Variants in BBS7 observed in about 807,000 individuals in gnomAD.
BBS7 encodes the protein BBSome complex member BBS7.
In BBS7, 50 loss-of-function variants were observed where a neutral mutation model predicts 90.3. That is an observed-to-expected ratio of 0.55 (90% CI 0.44 to 0.70). The LOEUF (loss-of-function observed/expected upper bound fraction) is 0.70. Ranked by LOEUF, BBS7 falls within the 30% of genes least tolerant of loss-of-function variation. The pLI is 0.00. For missense variants in BBS7, 729 were observed against 838.9 expected (o/e 0.87, Z 1.62); for synonymous variants, 235 against 287.4 (o/e 0.82, Z 1.85).
rs774529127 is a variant in BBS7 at position 121,845,715 on chromosome 4, A to C, written c.1038-19T>G. 1 of 1,595,432 alleles carries C rather than the reference A, an allele frequency of 6.3e-7. No homozygotes were observed. Among genetic ancestry groups the C allele is most frequent in the Non-Finnish European group, 8.6e-7 (1 of 1,164,110 alleles). ...CTCATTCCTGGAGAAAAACACATAC[A>C]AATTTGTCAAATATAAGTATAAACA... On this transcript the variant is annotated intron_variant, in intron 10 of 18. Transcript: ENST00000264499.
In BBS7 at chr4:121,844,015, T is replaced by TA. The variant is rs747444432; in HGVS notation, c.1231-15dup. The TA allele has an allele frequency of 4.0e-4, 600 of 1,516,606 alleles. No homozygotes were observed. The highest frequency in any genetic ancestry group is 8.5e-4 in the Admixed American group (46 of 54,312). The allele number at this position is 1,516,606 out of a possible 1,614,324, so 93.9% of individuals were successfully genotyped here. ...TGGAACATCACTCTATAGTCAATAT[T>TA]AAAAAAAAAGAAGGTTGAGATGGAA... On this transcript the variant is annotated splice_polypyrimidine_tract_variant and intron_variant, in intron 11 of 18. Transcript: ENST00000264499.
chr4:121,856,104 C>A (rs1726655880), intron 5 of BBS7, among the ~76,000 whole-genome samples: 1 of 152,134 alleles, frequency 6.6e-6, no homozygotes, highest in African/African-American at 2.4e-5. Context: ...ACAAATTATT[C>A]CCTCTGCCCT....
rs1293754868 is a variant in BBS7 at position 121,845,714 on chromosome 4, C to A, written c.1038-18G>T. ...ACTCATTCCTGGAGAAAAACACATA[C>A]AAATTTGTCAAATATAAGTATAAAC... On this transcript the variant is annotated intron_variant, in intron 10 of 18. Transcript: ENST00000264499. The A allele has an allele frequency of 1.9e-6, 3 of 1,594,748 alleles. No homozygotes were observed. The highest frequency in any genetic ancestry group is 8.6e-7 in the Non-Finnish European group (1 of 1,163,502).
At chr4:121,826,030 A>T in intron 18 of BBS7, 37 bp from the exon 19 acceptor site, 7 of 1,521,542 alleles carry the variant, frequency 4.6e-6, no homozygotes, top group Non-Finnish European at 6.3e-6. Context: ...GTCAGTGATT[A>T]GTTATATTTA....
chr4:121,854,428 C>T (rs1349814402), intron 7 of BBS7, among the ~76,000 whole-genome samples: 1 of 151,718 alleles, frequency 6.6e-6, no homozygotes, highest in Non-Finnish European at 1.5e-5. Flanking sequence ...TAAATTACCT[C>T]AGACAATTAA....
intron 12 of BBS7, 66 bp from the exon 13 acceptor site, chr4:121,839,762 A>G (rs1560647356): frequency 2.3e-6 from 3 of 1,331,342 alleles, no homozygotes; most frequent in South Asian, 1.2e-5. Context: ...AAAAGACATC[A>G]ATAATAATAA....
chr4:121,867,924 G>A (rs1727375923), intron 2 of BBS7, 57 bp downstream of exon 2: 16 of 1,362,552 alleles, frequency 1.2e-5, no homozygotes, highest in Non-Finnish European at 1.6e-5. Flanking sequence ...AAGGAAATAG[G>A]AGCCTCTCCT....
chr4:121,829,202 A>G (rs746670591), intron 15 of BBS7, among the ~76,000 whole-genome samples: 13 of 151,490 alleles, frequency 8.6e-5, no homozygotes, highest in Non-Finnish European at 1.5e-4. Flanking sequence ...TCAGCATCCA[A>G]TGCCACTGCT....
chr4:121,845,269 G>A (rs1725946876), intron 11 of BBS7, among the ~76,000 whole-genome samples: 1 of 152,124 alleles, frequency 6.6e-6, no homozygotes, highest in Non-Finnish European at 1.5e-5. Flanking sequence ...TCGGGAGGCT[G>A]AGGCAGGAGA....
rs758958242 is a variant in BBS7 at position 121,839,690 on chromosome 4, C to T, written c.1312G>A (p.Asp438Asn). The T allele has an allele frequency of 9.3e-6, 15 of 1,613,324 alleles. No homozygotes were observed. The highest frequency in any genetic ancestry group is 5.5e-5 in the South Asian group (5 of 91,056). The change falls in exon 13 of 19, where the codon GAC (aspartate) becomes AAC (asparagine). Residue 438 changes from aspartate (D) to asparagine (N), a missense_variant. Asp to Asn is a conservative substitution (Grantham distance 23). Transcript: ENST00000264499. ...CGATAAGTGGCAAGAAGGAAGTTGT[C>T]GTTTGACTGGGAAGAATACAAAGTG... is the stretch of plus-strand genomic sequence containing the variant. ...SFSSCDSESNDNFLLATYRCQ... is the reference protein window; with the variant it reads ...SFSSCDSESNNNFLLATYRCQ...
rs1187891835 is a variant in BBS7 at position 121,845,558 on chromosome 4, G to C, written c.1176C>G (p.Ala392=). The C allele has an allele frequency of 6.2e-7, 1 of 1,612,686 alleles. No homozygotes were observed. The highest frequency in any genetic ancestry group is 2.2e-5 in the East Asian group (1 of 44,718). The change falls in exon 11 of 19, where the codon GCC becomes GCG. Residue 392 remains alanine, a synonymous_variant. Coordinates refer to ENST00000264499, the MANE Select transcript of BBS7 (RefSeq NM_176824.3). ...GTACCTCTAAGATAAGGCTGTAACT[G>C]GCATCATCTTTATTTAGTGTAAATT... is the stretch of plus-strand genomic sequence containing the variant. ...NDKFTLNKDD[A]SYSLILEVQT... is the part of the protein sequence containing the mutation.
At chr4:121,868,905 T>C (rs916405395) in intron 1 of BBS7, among the ~76,000 whole-genome samples, 6 of 151,988 alleles carry the variant, frequency 3.9e-5, no homozygotes, top group Non-Finnish European at 7.4e-5. Context: ...TGATAAAACG[T>C]TCATATAGTA....
intron 12 of BBS7, among the ~76,000 whole-genome samples, chr4:121,842,884 C>T (rs1725815685): frequency 6.6e-6 from 1 of 152,080 alleles, no homozygotes; most frequent in Admixed American, 6.6e-5. Context: ...AGAAGTGATA[C>T]AGTAAGCATG....
chr4:121,838,750 C>G (rs558420613), intron 13 of BBS7, among the ~76,000 whole-genome samples: 11 of 151,556 alleles, frequency 7.3e-5, no homozygotes, highest in African/African-American at 2.7e-4. Flanking sequence ...CAAAAATTAG[C>G]CAGGTGTGGT....
Position 121,845,617 on chromosome 4 carries a change from T to C in BBS7, c.1117A>G (p.Lys373Glu). 1 of 1,613,130 alleles carries C rather than the reference T, an allele frequency of 6.2e-7. No individual in the cohort carries two copies. Among genetic ancestry groups the C allele is most frequent in the Non-Finnish European group, 8.5e-7 (1 of 1,179,310 alleles). Residue 373 changes from lysine to glutamate, a missense_variant, in exon 11 of 19, where the codon AAA becomes GAA. Coordinates refer to ENST00000264499, the MANE Select transcript of BBS7 (RefSeq NM_176824.3). ...ATACCAAAGGAAGGTACTGCTGATT[T>C]TGCTTTGCTTGATTGAGAAGACTGT... ...YQQSSQSSKA[K>E]SAVPSFGIND...
chr4:121,861,328 T>C (rs535032797), intron 4 of BBS7, 176 bp downstream of exon 4: 1 of 595,660 alleles, frequency 1.7e-6, no homozygotes, highest in African/African-American at 1.9e-5. Context: ...TTAAAAAAAT[T>C]TCAACAACCA....
chr4:121,867,957 G>A, intron 2 of BBS7, 24 bp downstream of exon 2: 1 of 1,589,324 alleles, frequency 6.3e-7, no homozygotes, highest in South Asian at 1.1e-5. Context: ...GGGAATAGTG[G>A]AGAAATCAGA....
chr4:121,825,714 T>TA lies in BBS7; in HGVS notation c.*145dup. The TA allele has an allele frequency of 1.4e-6, 1 of 692,676 alleles. No individual in the cohort carries two copies. Among genetic ancestry groups the TA allele is most frequent in the Non-Finnish European group, 2.2e-6 (1 of 458,502 alleles). The allele number at this position is 692,676 out of a possible 1,614,324, so 42.9% of individuals were successfully genotyped here. A position where few individuals can be genotyped will look rare whatever the true frequency, so the allele number is the denominator to read the frequency against. On this transcript the variant is annotated 3_prime_UTR_variant, in exon 19 of 19. Transcript: ENST00000264499. ...AATTTGTCAAAAGAAATAGAAGCAT[T>TA]ACTTTAAAAAGCCATTATATCTCAA...
At chr4:121,847,544 T>G (rs993052619) in intron 9 of BBS7, 38 bp from the exon 10 acceptor site, 1 of 1,384,164 alleles carries the variant, frequency 7.2e-7, no homozygotes, top group Non-Finnish European at 1.0e-6. Flanking sequence ...CACTTAGTAC[T>G]GCTAGTGTTA....
Sources: gnomAD v4.1 joint callset for allele counts (sites outside exome capture counted in the v4.1 genomes callset) on GRCh38, gnomAD v4.1.1 for gene constraint, MANE v1.5 for transcripts, NCBI Gene and HGNC (gene_info 2026-07-23, HGNC 2026-07-21) for gene names.